The following WDHD1 variants were observed in gnomAD, a reference collection of about 807,000 sequenced individuals.
WDHD1 encodes WD repeat and HMG-box DNA binding protein 1, also known as WD repeat and HMG-box DNA-binding protein 1.
In WDHD1, 111 loss-of-function variants were observed where a neutral mutation model predicts 135.4. That is an observed-to-expected ratio of 0.82 (90% CI 0.70 to 0.96). The LOEUF is 0.96. Among genes scored for constraint, WDHD1 ranks in the 40% least tolerant of loss-of-function variants. WDHD1 has a pLI of 0.00. For synonymous variants in WDHD1, 434 were observed against 439.0 expected, an observed-to-expected ratio of 0.99 and a Z score of 0.14; for missense variants, 1,351 against 1,336.3, an observed-to-expected ratio of 1.01 and a Z score of -0.17.
chr14:54,946,240 G>GT (rs1312262187), intron 24 of WDHD1, among the ~76,000 whole-genome samples: 1 of 152,156 alleles, frequency 6.6e-6, no homozygotes, highest in Non-Finnish European at 1.5e-5. Flanking sequence ...TTAAAGAGAC[G>GT]TGAGTCTCAC....
In WDHD1 at chr14:55,024,445, A is replaced by T. The variant is rs1023104271; in HGVS notation, c.77+2266T>A. On this transcript the variant is annotated intron_variant, in intron 2 of 25. Coordinates refer to ENST00000360586, the MANE Select transcript of WDHD1 (RefSeq NM_007086.4). Reference sequence around the variant, plus strand: ...CCTCTTTCTCCATCCTTAATATCTGATCCATCCTGTTGACTTTATCTTTTT... The same window carrying T: ...CCTCTTTCTCCATCCTTAATATCTGTTCCATCCTGTTGACTTTATCTTTTT... Among the ~76,000 whole-genome samples the T allele has an allele frequency of 5.9e-5, 9 of 152,072 alleles. No individual in the cohort carries two copies. In the South Asian group the frequency reaches 1.9e-3, roughly 32 times the overall value.
chr14:54,990,462 G>A (rs965867965), intron 12 of WDHD1, among the ~76,000 whole-genome samples: 2 of 152,042 alleles, frequency 1.3e-5, no homozygotes, highest in African/African-American at 4.8e-5. Flanking sequence ...TGGGCATGGT[G>A]GCAGGCACCT....
intron 2 of WDHD1, among the ~76,000 whole-genome samples, chr14:55,015,611 T>C (rs2042248156): frequency 6.6e-6 from 1 of 151,990 alleles, no homozygotes; most frequent in South Asian, 2.1e-4. Flanking sequence ...AAAAACGGAA[T>C]GGATTCAGAT....
chr14:54,992,427 T>C (rs2041807806), intron 11 of WDHD1, among the ~76,000 whole-genome samples: 1 of 152,096 alleles, frequency 6.6e-6, no homozygotes, highest in Non-Finnish European at 1.5e-5. Flanking sequence ...AGGGCAGAGG[T>C]TGCAGTGAAC....
chr14:55,026,705 C>T lies in WDHD1; in HGVS notation c.77+6G>A, dbSNP rs751885307. 9 of 1,614,146 alleles carry T rather than the reference C, an allele frequency of 5.6e-6. No homozygotes were observed. The South Asian group carries it at 6.6e-5, about 12-fold the overall frequency. On this transcript the variant is annotated splice_donor_region_variant and intron_variant, in intron 2 of 25. Coordinates refer to ENST00000360586, the MANE Select transcript of WDHD1 (RefSeq NM_007086.4). The stretch of plus-strand genomic sequence containing the variant: ...ACCTAAAACGTTGTTTCTCAAAGAA[C>T]CTTACCTCCCAGAATCATCAAAACA...
intron 11 of WDHD1, among the ~76,000 whole-genome samples, chr14:54,991,644 C>T (rs1159408618): frequency 6.6e-6 from 1 of 152,140 alleles, no homozygotes; most frequent in East Asian, 1.9e-4. Flanking sequence ...GCATTGTTAA[C>T]CACTACTCAC....
Position 54,941,345 on chromosome 14 carries a change from T to A in WDHD1, c.*145A>T. ...ATATGTCCTGTTACCTACACCAATA[T>A]AATTACTACATTATCTTATAAAGAC... On this transcript the variant is annotated 3_prime_UTR_variant, in exon 26 of 26. Coordinates refer to ENST00000360586, the MANE Select transcript of WDHD1 (RefSeq NM_007086.4). 1 of 644,326 alleles carries A rather than the reference T, an allele frequency of 1.6e-6. No homozygotes were observed. Among genetic ancestry groups the A allele is most frequent in the Non-Finnish European group, 2.4e-6 (1 of 409,232 alleles). 39.9% of individuals were successfully genotyped at this position (644,326 alleles called of 1,614,324 possible). A position where few individuals can be genotyped will look rare whatever the true frequency, so the allele number is the denominator to read the frequency against.
At chr14:54,958,915 CCT>C (rs1198968000) in intron 21 of WDHD1, among the ~76,000 whole-genome samples, 3 of 152,166 alleles carry the variant, frequency 2.0e-5, no homozygotes, top group African/African-American at 7.2e-5. Flanking sequence ...AGAATACTTC[CCT>C]GAGCTCCTGA....
chr14:55,019,857 A>G (rs2042317299), intron 2 of WDHD1, among the ~76,000 whole-genome samples: 1 of 152,240 alleles, frequency 6.6e-6, no homozygotes, highest in South Asian at 2.1e-4. Context: ...CGACAGAGCT[A>G]GACTCCATCT....
At chr14:55,022,718 A>G (rs977122854) in intron 2 of WDHD1, among the ~76,000 whole-genome samples, 1 of 152,056 alleles carries the variant, frequency 6.6e-6, no homozygotes, top group African/African-American at 2.4e-5. Context: ...AAACCTGTTC[A>G]GGCAGATGTC....
At chr14:54,975,495 C>G (rs1470222889) in intron 16 of WDHD1, among the ~76,000 whole-genome samples, 8 of 151,896 alleles carry the variant, frequency 5.3e-5, no homozygotes, top group Admixed American at 2.6e-4. Context: ...TTACAGGCAT[C>G]TGCCACCAGG....
intron 16 of WDHD1, among the ~76,000 whole-genome samples, chr14:54,970,146 G>C (rs2041407614): frequency 6.6e-6 from 1 of 152,108 alleles, no homozygotes; most frequent in African/African-American, 2.4e-5. Flanking sequence ...AATAAGACAA[G>C]GTTGGCCACT....
In WDHD1 at chr14:54,941,479, A is replaced by G. The variant is rs1043121500; in HGVS notation, c.*11T>C. The G allele has an allele frequency of 3.1e-6, 5 of 1,598,920 alleles. No homozygotes were observed. In the Admixed American group the frequency reaches 7.0e-5, roughly 22 times the overall value. ...AAAAATCCATTACTTCCCTAGGGTC[A>G]CTTTCTTCCTTTACTCCTGCTTAAA... On this transcript the variant is annotated 3_prime_UTR_variant, in exon 26 of 26. Transcript: ENST00000360586.
At chr14:55,010,722 T>A (rs1409506763) in intron 3 of WDHD1, among the ~76,000 whole-genome samples, 1 of 152,346 alleles carries the variant, frequency 6.6e-6, no homozygotes, top group East Asian at 1.9e-4. Flanking sequence ...GAAAAATGTT[T>A]GAATAGTACT....
At chr14:54,991,961 T>C (rs976943851) in intron 11 of WDHD1, among the ~76,000 whole-genome samples, 4 of 152,188 alleles carry the variant, frequency 2.6e-5, no homozygotes, top group African/African-American at 9.7e-5. Flanking sequence ...ATGATAACAT[T>C]TGAGCTTTCA....
rs764656187 is a variant in WDHD1 at position 54,989,090 on chromosome 14, T to C, written c.1464A>G (p.Thr488=). The stretch of plus-strand genomic sequence containing the variant: ...TAGCTTCGTGGGAAAGATCTGCTAT[T>C]GTATAATTCAAAGTGTTTGATAAGT... ...ATHLSNTLNY[T]IADLSHEAIL... is the part of the protein sequence containing the mutation. Residue 488 remains threonine (T), a synonymous_variant, in exon 13 of 26, where the codon ACA becomes ACG. Coordinates refer to ENST00000360586, the MANE Select transcript of WDHD1 (RefSeq NM_007086.4). 6.2e-7 allele frequency: 1 copy of C among 1,613,772 alleles called. No individual in the cohort carries two copies. The highest frequency in any genetic ancestry group is 1.1e-5 in the South Asian group (1 of 91,048).
At chr14:54,954,543 T>G (rs1303299772) in intron 24 of WDHD1, among the ~76,000 whole-genome samples, 1 of 152,234 alleles carries the variant, frequency 6.6e-6, no homozygotes, top group Non-Finnish European at 1.5e-5. Context: ...AATTATTCAT[T>G]GCAGTACTGT....
rs9323275 is a variant in WDHD1 at position 55,007,182 on chromosome 14, T to A, written c.600+98A>T. 19 of 945,742 alleles carry A rather than the reference T, an allele frequency of 2.0e-5. No individual in the cohort carries two copies. The South Asian group carries it at 2.4e-4, about 12-fold the overall frequency. The allele number at this position is 945,742 out of a possible 1,614,324, so 58.6% of individuals were successfully genotyped here. A position where few individuals can be genotyped will look rare whatever the true frequency, so the allele number is the denominator to read the frequency against. On this transcript the variant is annotated intron_variant, in intron 7 of 25. Coordinates refer to ENST00000360586, the MANE Select transcript of WDHD1 (RefSeq NM_007086.4). ...GGCAGAGGTTGCAGTGAGCCGAGAT[T>A]GCACCACTGCACTCCAGCATGGGAG...
At position 55,000,611 on chromosome 14, in the gene WDHD1, A is replaced by G. The variant is rs377126800; in HGVS notation, c.834T>C (p.Gly278=). 40 of 1,599,936 alleles carry G rather than the reference A, an allele frequency of 2.5e-5. No homozygotes were observed. In the African/African-American group the frequency reaches 5.0e-4, roughly 20 times the overall value. ...VKHEKGYAIC[G]LAWHPTCGRI... ...GACCACAAGTAGGATGCCATGCCAG[A>G]CCACAAATTGCATAACCTTTCTCAT... The change falls in exon 10 of 26, where the codon GGT becomes GGC. Residue 278 remains glycine, a synonymous_variant. Transcript: ENST00000360586.
Sources: allele counts gnomAD v4.1 joint callset (sites outside exome capture counted in the v4.1 genomes callset), GRCh38; gene constraint gnomAD v4.1.1; transcripts MANE v1.5; gene names NCBI Gene and HGNC (gene_info 2026-07-23, HGNC 2026-07-21).